Variants in CYB5R4 observed in about 807,000 individuals in gnomAD.
CYB5R4 encodes cytochrome b5 reductase 4.
In CYB5R4, 55 loss-of-function variants were observed where a neutral mutation model predicts 70.2. The ratio of observed to expected loss-of-function variants is 0.78; its 90% CI spans 0.63 to 0.98. The LOEUF is 0.98. CYB5R4 is among the 50% of genes least tolerant of loss of function. The probability of loss-of-function intolerance (pLI) is 0.00; values close to 1 mark genes in which losing one functional copy is unlikely to be tolerated. For missense variants in CYB5R4, 562 were observed against 612.6 expected (o/e 0.92, Z 0.87); for synonymous variants, 197 against 199.5 (o/e 0.99, Z 0.11).
intron 10 of CYB5R4, among the ~76,000 whole-genome samples, chr6:83,929,949 C>T (rs893159948): frequency 1.3e-5 from 2 of 152,044 alleles, no homozygotes; most frequent in Non-Finnish European, 2.9e-5. Flanking sequence ...TTCCAGACCA[C>T]CACAATAGAG....
intron 11 of CYB5R4, 116 bp from the exon 12 acceptor site, chr6:83,936,108 C>A: frequency 1.6e-6 from 1 of 641,166 alleles, no homozygotes; most frequent in Non-Finnish European, 2.6e-6. Flanking sequence ...ATTATATGCC[C>A]ATTAGGTATA....
intron 10 of CYB5R4, among the ~76,000 whole-genome samples, chr6:83,926,026 A>G (rs1445420471): frequency 2.0e-5 from 3 of 152,174 alleles, no homozygotes; most frequent in Non-Finnish European, 4.4e-5. Context: ...TTCTCACTGT[A>G]TAACTTCTGT....
chr6:83,878,951 A>G (rs899931440), intron 2 of CYB5R4, among the ~76,000 whole-genome samples: 1 of 152,030 alleles, frequency 6.6e-6, no homozygotes, highest in East Asian at 1.9e-4. Context: ...ACCTTACCCT[A>G]TATATCTTTG....
At chr6:83,895,561 G>A (rs182242019) in intron 3 of CYB5R4, among the ~76,000 whole-genome samples, 33 of 152,196 alleles carry the variant, frequency 2.2e-4, no homozygotes, top group Admixed American at 1.6e-3. Context: ...AATCTGCCTT[G>A]TAACCTCCTA....
In CYB5R4 at chr6:83,945,149, T is replaced by C. The variant is rs143833492; in HGVS notation, c.1346+4548T>C. Among the ~76,000 whole-genome samples, 1,176 of 152,242 alleles carry C rather than the reference T, an allele frequency of 7.7e-3. 15 individuals are homozygous for C. The highest frequency in any genetic ancestry group is 0.027 in the African/African-American group (1,104 of 41,526). The stretch of plus-strand genomic sequence containing the variant: ...TCTTCACAGCACCACATAGCACTTA[T>C]TCTAAAATCGACCACATAATTGGAA... On this transcript the variant is annotated intron_variant, in intron 14 of 15. Coordinates refer to ENST00000369681, the MANE Select transcript of CYB5R4 (RefSeq NM_016230.4).
In CYB5R4 at chr6:83,893,565, T is replaced by C; in HGVS notation, c.273T>C (p.Gly91=). 1 of 1,613,250 alleles carries C rather than the reference T, an allele frequency of 6.2e-7. No individual in the cohort carries two copies. The highest frequency in any genetic ancestry group is 8.5e-7 in the Non-Finnish European group (1 of 1,179,372). ...NVSPYMEYHP[G]GEDELMRAAG... is the part of the protein sequence containing the mutation. ...GCCCTTATATGGAGTATCATCCTGG[T>C]GGAGAAGATGAACTAATGAGAGCAG... The change falls in exon 3 of 16, where the codon GGT becomes GGC. Residue 91 remains glycine, a synonymous_variant. Coordinates refer to ENST00000369681, the MANE Select transcript of CYB5R4 (RefSeq NM_016230.4).
chr6:83,864,997 G>A (rs756376754), intron 2 of CYB5R4, among the ~76,000 whole-genome samples: 2 of 152,122 alleles, frequency 1.3e-5, no homozygotes, highest in African/African-American at 4.8e-5. Flanking sequence ...GAGGCTCCAT[G>A]CATGGTTAAC....
At chr6:83,936,141 G>A (rs1290822647) in intron 11 of CYB5R4, 83 bp from the exon 12 acceptor site, 7 of 932,766 alleles carry the variant, frequency 7.5e-6, no homozygotes, top group African/African-American at 1.7e-5. Flanking sequence ...TATACTGATA[G>A]TGTCAAAATT....
At chr6:83,934,427 A>G (rs1490302606) in intron 10 of CYB5R4, among the ~76,000 whole-genome samples, 168 bp from the exon 11 acceptor site, 4 of 152,182 alleles carry the variant, frequency 2.6e-5, no homozygotes, top group Non-Finnish European at 4.4e-5. Context: ...AGGAAATAAA[A>G]TGGAAAAATT....
chr6:83,863,467 G>A (rs1321506730), intron 1 of CYB5R4, among the ~76,000 whole-genome samples: 4 of 152,172 alleles, frequency 2.6e-5, no homozygotes, highest in Non-Finnish European at 4.4e-5. Context: ...TATCTTGACA[G>A]TCCAGAAAAT....
At chr6:83,922,350 C>A in intron 8 of CYB5R4, 88 bp from the exon 9 acceptor site, 1 of 970,016 alleles carries the variant, frequency 1.0e-6, no homozygotes, top group Non-Finnish European at 1.5e-6. Flanking sequence ...TGAAATAGTA[C>A]ATAAAAGAGC....
intron 7 of CYB5R4, among the ~76,000 whole-genome samples, chr6:83,919,753 T>TG (rs2099466066): frequency 7.1e-6 from 1 of 140,310 alleles, no homozygotes; most frequent in African/African-American, 2.8e-5. Context: ...GTATTTTATG[T>TG]GTTTTTCTGT....
intron 12 of CYB5R4, among the ~76,000 whole-genome samples, chr6:83,936,587 T>C (rs2099468955): frequency 6.6e-6 from 1 of 152,190 alleles, no homozygotes; most frequent in Non-Finnish European, 1.5e-5. Context: ...TGATCCAATC[T>C]GGAAACTCGA....
intron 11 of CYB5R4, among the ~76,000 whole-genome samples, chr6:83,935,998 G>T (rs1332887188): frequency 1.3e-5 from 2 of 152,022 alleles, no homozygotes; most frequent in African/African-American, 4.8e-5. Flanking sequence ...CATAAAAACA[G>T]ATTGTTTATA....
At chr6:83,876,171 T>C (rs2099458523) in intron 2 of CYB5R4, among the ~76,000 whole-genome samples, 1 of 152,226 alleles carries the variant, frequency 6.6e-6, no homozygotes, top group Non-Finnish European at 1.5e-5. Flanking sequence ...AGATTCATGG[T>C]CTATCAATTC....
At position 83,859,723 on chromosome 6, in the gene CYB5R4, T is replaced by A; in HGVS notation, c.-60T>A. On this transcript the variant is annotated 5_prime_UTR_variant, in exon 1 of 16. Coordinates refer to ENST00000369681, the MANE Select transcript of CYB5R4 (RefSeq NM_016230.4). ...CTCTGCCCGGCCACAGAGCCGGAGC[T>A]GGAGGTGCTGTCCCGTCTGGCGGCG... The A allele has an allele frequency of 1.3e-6, 2 of 1,578,864 alleles. No homozygotes were observed. Among genetic ancestry groups the A allele is most frequent in the South Asian group, 2.2e-5 (2 of 89,212 alleles).
At position 83,914,802 on chromosome 6, in the gene CYB5R4, C is replaced by T. The variant is rs1467156966; in HGVS notation, c.445+354C>T. Among the ~76,000 whole-genome samples, 6 of 150,468 alleles carry T rather than the reference C, an allele frequency of 4.0e-5. No individual in the cohort carries two copies. The East Asian group carries it at 1.2e-3, about 29-fold the overall frequency. On this transcript the variant is annotated intron_variant, in intron 5 of 15. Transcript: ENST00000369681. ...TGCCCACCTCGGCCTCCCAGAGTGC[C>T]GGGATTACGGGCGTGAGCCACTGTG...
chr6:83,879,656 A>C (rs2099459149), intron 2 of CYB5R4, among the ~76,000 whole-genome samples: 1 of 152,054 alleles, frequency 6.6e-6, no homozygotes, highest in African/African-American at 2.4e-5. Flanking sequence ...ACTACCCTCT[A>C]ATCTTGCTGC....
At chr6:83,902,932 CTT>C (rs1003847987) in intron 3 of CYB5R4, among the ~76,000 whole-genome samples, 2 of 151,930 alleles carry the variant, frequency 1.3e-5, no homozygotes, top group Non-Finnish European at 2.9e-5. Flanking sequence ...TTGGTGGAGT[CTT>C]TTGGTTTTTC....
Sources: allele counts gnomAD v4.1 joint callset (sites outside exome capture counted in the v4.1 genomes callset), GRCh38; gene constraint gnomAD v4.1.1; transcripts MANE v1.5; gene names NCBI Gene and HGNC (gene_info 2026-07-23, HGNC 2026-07-21).